SEMA5A: variants seen among roughly 807,000 people sequenced by gnomAD.
SEMA5A encodes semaphorin-5A.
In SEMA5A, 55 loss-of-function variants were observed where a neutral mutation model predicts 135.5. That is an observed-to-expected ratio of 0.41 (90% CI 0.33 to 0.51). The LOEUF is 0.51. SEMA5A is among the 20% of genes least tolerant of loss of function. The pLI, the probability that SEMA5A is intolerant of heterozygous loss-of-function variation, is 0.37. For missense variants in SEMA5A, 1,290 were observed against 1,419.9 expected, an observed-to-expected ratio of 0.91 and a Z score of 1.47; for synonymous variants, 580 against 546.5, an observed-to-expected ratio of 1.06 and a Z score of -0.85.
intron 3 of SEMA5A, among the ~76,000 whole-genome samples, chr5:9,353,085 A>AAGGAAGG (rs1401364098): frequency 1.5e-4 from 2 of 13,352 alleles, no homozygotes; most frequent in African/African-American, 4.0e-4. Flanking sequence ...AAAGGAAAGG[A>AAGGAAGG]AAGGAAAGGA....
At chr5:9,389,463 T>A (rs1400846631) in intron 2 of SEMA5A, among the ~76,000 whole-genome samples, 1 of 152,190 alleles carries the variant, frequency 6.6e-6, no homozygotes, top group Non-Finnish European at 1.5e-5. Flanking sequence ...TCTGTCTTCA[T>A]CAGCTGTCTC....
intron 2 of SEMA5A, among the ~76,000 whole-genome samples, chr5:9,393,076 T>C (rs1756236659): frequency 6.6e-6 from 1 of 152,232 alleles, no homozygotes; most frequent in Non-Finnish European, 1.5e-5. Context: ...TATCTCATCC[T>C]TCAGTTCATT....
chr5:9,409,309 G>A (rs759126098), intron 2 of SEMA5A, among the ~76,000 whole-genome samples: 1 of 152,108 alleles, frequency 6.6e-6, no homozygotes, highest in Non-Finnish European at 1.5e-5. Flanking sequence ...GTCTAATATC[G>A]CACAGTGCAA....
In SEMA5A at chr5:9,319,716, G is replaced by T. The variant is rs138214665; in HGVS notation, c.225-1299C>A. ...ACTCTAAGATGCAAATGAGCACGAG[G>T]TGGGATCTCCAAGAAGCCAAGGATG... On this transcript the variant is annotated intron_variant, in intron 4 of 22. Transcript: ENST00000382496. Among the ~76,000 whole-genome samples the T allele has an allele frequency of 3.6e-3, 551 of 152,002 alleles. 2 individuals carry two copies. The highest frequency in any genetic ancestry group is 0.02 in the Middle Eastern group (6 of 294).
intron 1 of SEMA5A, chr5:9,517,514 G>C (rs1048042217): frequency 2.0e-5 from 3 of 152,208 alleles, no homozygotes; most frequent in Non-Finnish European, 4.4e-5. Context: ...TTAGGTTGGA[G>C]AATCAGTGGA....
At chr5:9,122,569 G>GAGTT in intron 14 of SEMA5A, 87 bp downstream of exon 14, 1 of 1,308,312 alleles carries the variant, frequency 7.6e-7, no homozygotes, top group Non-Finnish European at 1.0e-6. Flanking sequence ...CTCCAAAAGG[G>GAGTT]AGTTATATTA....
intron 5 of SEMA5A, among the ~76,000 whole-genome samples, chr5:9,304,956 A>T (rs1017682426): frequency 6.6e-6 from 1 of 152,142 alleles, no homozygotes; most frequent in Non-Finnish European, 1.5e-5. Flanking sequence ...CTTTTTGTCT[A>T]AATGCATTCA....
chr5:9,334,928 G>A (rs765745923), intron 4 of SEMA5A, among the ~76,000 whole-genome samples: 3 of 152,138 alleles, frequency 2.0e-5, no homozygotes, highest in African/African-American at 4.8e-5. Flanking sequence ...TGACTCAGCG[G>A]CCCATCCGAT....
intron 15 of SEMA5A, among the ~76,000 whole-genome samples, chr5:9,110,695 C>T (rs1740191973): frequency 6.6e-6 from 1 of 152,178 alleles, no homozygotes. Context: ...CAAGAACCAA[C>T]TGGGCAAGCA....
At chr5:9,449,002 C>G (rs1758535997) in intron 1 of SEMA5A, among the ~76,000 whole-genome samples, 1 of 152,206 alleles carries the variant, frequency 6.6e-6, no homozygotes, top group African/African-American at 2.4e-5. Context: ...ATTTGGAAGA[C>G]AGGTGGCGAT....
At position 9,066,564 on chromosome 5, in the gene SEMA5A, G is replaced by C. The variant is rs867970563; in HGVS notation, c.2156C>G (p.Ser719Cys). 2 of 1,614,176 alleles carry C rather than the reference G, an allele frequency of 1.2e-6. No individual in the cohort carries two copies. The highest frequency in any genetic ancestry group is 3.3e-5 in the Admixed American group (2 of 60,032). The change falls in exon 17 of 23, where the codon TCT becomes TGT. Residue 719 changes from serine (S) to cysteine (C), a missense_variant. Transcript: ENST00000382496. ...PWTPWTPVNI[S>C]DNGGHYEQRF... ...TTGCTCATAGTGGCCGCCGTTGTCA[G>C]AGATGTTGACAGGTGTCCAGGGTGT... is the stretch of plus-strand genomic sequence containing the variant.
At chr5:9,219,723 T>C (rs1746826542) in intron 8 of SEMA5A, among the ~76,000 whole-genome samples, 1 of 152,184 alleles carries the variant, frequency 6.6e-6, no homozygotes, top group Non-Finnish European at 1.5e-5. Context: ...GGCAAATAAA[T>C]GTCTGCTGTT....
chr5:9,102,794 C>T (rs558318114), intron 16 of SEMA5A, among the ~76,000 whole-genome samples: 1 of 152,254 alleles, frequency 6.6e-6, no homozygotes, highest in African/African-American at 2.4e-5. Flanking sequence ...AACTCTAATT[C>T]TGAATCAGAG....
At chr5:9,445,444 C>T (rs268526) in intron 1 of SEMA5A, among the ~76,000 whole-genome samples, 4,827 of 151,370 alleles carry the variant, frequency 0.032, 239 homozygotes, top group African/African-American at 0.11. Flanking sequence ...CCGAGGTGGG[C>T]GGATCACGAG....
intron 8 of SEMA5A, 139 bp from the exon 9 acceptor site, chr5:9,202,379 C>T (rs1330737750): frequency 2.3e-5 from 15 of 653,584 alleles, no homozygotes; most frequent in South Asian, 1.3e-4. Flanking sequence ...TGGGAGGCCC[C>T]GTGAGCAGCT....
In SEMA5A at chr5:9,263,507, C is replaced by G. The variant is rs146273317; in HGVS notation, c.271-25617G>C. 2.2e-4 allele frequency among the ~76,000 whole-genome samples: 33 copies of G among 152,264 alleles called. No homozygotes were observed. In the East Asian group the frequency reaches 6.2e-3, roughly 28 times the overall value. ...GAACAGTTTCATCCCAAAATCAACACCCACCCTTTCCCCACTGCCCCAATG... is the reference window on the plus strand; with the variant it reads ...GAACAGTTTCATCCCAAAATCAACAGCCACCCTTTCCCCACTGCCCCAATG... On this transcript the variant is annotated intron_variant, in intron 5 of 22. Coordinates refer to ENST00000382496, the MANE Select transcript of SEMA5A (RefSeq NM_003966.3).
At chr5:9,527,168 C>T (rs1430689180) in intron 1 of SEMA5A, among the ~76,000 whole-genome samples, 2 of 152,062 alleles carry the variant, frequency 1.3e-5, no homozygotes, top group Admixed American at 6.5e-5. Flanking sequence ...CTTACCAGGT[C>T]CCGAGTGTGC....
At chr5:9,128,124 TG>T (rs1201789631) in intron 13 of SEMA5A, among the ~76,000 whole-genome samples, 1 of 152,184 alleles carries the variant, frequency 6.6e-6, no homozygotes, top group East Asian at 1.9e-4. Flanking sequence ...GCATTCATTA[TG>T]GGAATTATTC....
chr5:9,448,177 A>G (rs1284667115), intron 1 of SEMA5A, among the ~76,000 whole-genome samples: 1 of 152,138 alleles, frequency 6.6e-6, no homozygotes, highest in Non-Finnish European at 1.5e-5. Flanking sequence ...ACTCTCCCCA[A>G]CCTTTCTGAG....
Sources: allele counts gnomAD v4.1 joint callset (sites outside exome capture counted in the v4.1 genomes callset), GRCh38; gene constraint gnomAD v4.1.1; transcripts MANE v1.5; gene names NCBI Gene and HGNC (gene_info 2026-07-23, HGNC 2026-07-21).